The following MBNL2 variants were observed in gnomAD, a reference collection of about 807,000 sequenced individuals.
The protein encoded by MBNL2 is muscleblind like splicing regulator 2.
A neutral mutation model predicts 41.9 loss-of-function variants in MBNL2; 17 were observed. The observed-to-expected ratio is 0.41, with a 90% confidence interval of 0.28 to 0.61. The LOEUF is 0.61. Ranked by LOEUF, MBNL2 falls within the 20% of genes least tolerant of loss-of-function variation. The pLI is 0.35. For synonymous variants in MBNL2, 195 were observed against 182.9 expected (o/e 1.07, Z -0.53); for missense variants, 336 against 505.6 (o/e 0.66, Z 3.22).
intron 1 of MBNL2, among the ~76,000 whole-genome samples, chr13:97,226,485 C>T (rs1243710399): frequency 6.6e-6 from 1 of 152,150 alleles, no homozygotes; most frequent in Non-Finnish European, 1.5e-5. Flanking sequence ...TAATACCTGC[C>T]TTTGTGTGTG....
intron 1 of MBNL2, among the ~76,000 whole-genome samples, chr13:97,257,991 T>C (rs2047882888): frequency 6.6e-6 from 1 of 152,166 alleles, no homozygotes; most frequent in Admixed American, 6.5e-5. Context: ...TTAGAAATGA[T>C]GACAACTGGT....
At position 97,356,823 on chromosome 13, in the gene MBNL2, C is replaced by T; in HGVS notation, c.832C>T (p.Arg278Ter). The T allele has an allele frequency of 1.5e-6, 2 of 1,362,984 alleles. No individual in the cohort carries two copies. The highest frequency in any genetic ancestry group is 2.0e-6 in the Non-Finnish European group (2 of 1,018,086). The allele number at this position is 1,362,984 out of a possible 1,614,324, so 84.4% of individuals were successfully genotyped here. ...MTQSTAKAMK[R>*]PLEATVDLAF... Reference sequence around the variant, plus strand: ...TCAGTCGACTGCCAAAGCAATGAAGCGACCTCTCGAAGCAACTGTAGACCT... The same window carrying T: ...TCAGTCGACTGCCAAAGCAATGAAGTGACCTCTCGAAGCAACTGTAGACCT... Residue 278 changes from arginine to a stop codon, truncating the protein, a stop_gained, in exon 6 of 9, where the codon CGA becomes TGA. Coordinates refer to ENST00000679496, the MANE Select transcript of MBNL2 (RefSeq NM_001382683.1). LOFTEE classifies it high-confidence loss of function.
Position 97,261,138 on chromosome 13 carries a change from C to T in MBNL2, c.-604-14494C>T, listed in dbSNP as rs554403696. 7.2e-5 allele frequency among the ~76,000 whole-genome samples: 11 copies of T among 151,986 alleles called. No homozygotes were observed. The South Asian group carries it at 2.1e-3, about 29-fold the overall frequency. On this transcript the variant is annotated intron_variant, in intron 1 of 8. Transcript: ENST00000679496. The stretch of plus-strand genomic sequence containing the variant: ...GCACCTTCTCTGCAGCTATTCATTC[C>T]GATAGAAAGGAAGCCCCCGGCTCTT...
chr13:97,307,578 G>T (rs934464455), intron 2 of MBNL2, among the ~76,000 whole-genome samples: 1 of 152,034 alleles, frequency 6.6e-6, no homozygotes, highest in Non-Finnish European at 1.5e-5. Context: ...AAAATATTTA[G>T]TCCACAACAG....
At chr13:97,380,222 A>C (rs2065310783) in intron 8 of MBNL2, among the ~76,000 whole-genome samples, 1 of 152,092 alleles carries the variant, frequency 6.6e-6, no homozygotes, top group African/African-American at 2.4e-5. Context: ...AGCTGGGCGC[A>C]GTGGCTCATG....
the MBNL2 span, among the ~76,000 whole-genome samples, chr13:97,150,401 A>G: frequency 2.6e-5 from 4 of 152,236 alleles, no homozygotes; most frequent in African/African-American, 4.8e-5. Context: ...CCTACAGGTC[A>G]TGGGTCAAAG....
At chr13:97,372,824 G>C (rs970934057) in intron 8 of MBNL2, among the ~76,000 whole-genome samples, 1 of 152,166 alleles carries the variant, frequency 6.6e-6, no homozygotes, top group African/African-American at 2.4e-5. Context: ...AAGAAGTCTA[G>C]AAAGGTAAGA....
chr13:97,338,350 C>T (rs2061069787), intron 3 of MBNL2, among the ~76,000 whole-genome samples: 2 of 152,196 alleles, frequency 1.3e-5, no homozygotes, highest in African/African-American at 2.4e-5. Flanking sequence ...GCATTCTCTA[C>T]CAGCGAGCCC....
At chr13:97,168,636 G>A in the MBNL2 span, among the ~76,000 whole-genome samples, 21 of 152,176 alleles carry the variant, frequency 1.4e-4, no homozygotes, top group Admixed American at 3.3e-4. Flanking sequence ...AATAGTGCCC[G>A]GCACGCAATA....
chr13:97,334,358 A>G lies in MBNL2; in HGVS notation c.257A>G (p.Asn86Ser), dbSNP rs759267280. Residue 86 changes from asparagine to serine, a missense_variant, in exon 3 of 9, where the codon AAT (asparagine) becomes AGT (serine). Coordinates refer to ENST00000679496, the MANE Select transcript of MBNL2 (RefSeq NM_001382683.1). This position sits in a 1 kb window ranked among gnomAD's most constrained non-coding sequence, Gnocchi z 5.3. ...KTQLEINGRN[N>S]LIQQKTAAAM... ...CAACTAGAAATTAATGGAAGGAACA[A>G]TTTGATTCAGCAAAAAACTGCAGCA... is the stretch of plus-strand genomic sequence containing the variant. 1 of 1,613,856 alleles carries G rather than the reference A, an allele frequency of 6.2e-7. No individual in the cohort carries two copies. Among genetic ancestry groups the G allele is most frequent in the East Asian group, 2.2e-5 (1 of 44,864 alleles).
At chr13:97,321,388 A>C (rs2059489364) in intron 2 of MBNL2, among the ~76,000 whole-genome samples, 1 of 152,136 alleles carries the variant, frequency 6.6e-6, no homozygotes, top group African/African-American at 2.4e-5. Context: ...CAGGGAAAAC[A>C]CTTGACATTT....
chr13:97,356,878 C>T, intron 6 of MBNL2, 29 bp downstream of exon 6: 1 of 1,329,456 alleles, frequency 7.5e-7, no homozygotes, highest in Non-Finnish European at 1.0e-6. Context: ...TTTCGCTTTG[C>T]ATGTAGCTTT....
chr13:97,287,918 G>GTT lies in MBNL2; in HGVS notation c.174+11518_174+11519dup, dbSNP rs11423615. On this transcript the variant is annotated intron_variant, in intron 2 of 8. Transcript: ENST00000679496. ...TGCCACCAGGCCCGGCTAATTTTCT[G>GTT]TTTTTTTTTTGTTTTGTTTTGTTTT... Among the ~76,000 whole-genome samples the GTT allele has an allele frequency of 3.7e-3, 455 of 124,606 alleles. 11 individuals carry two copies. Among genetic ancestry groups the GTT allele is most frequent in the African/African-American group, 0.011 (317 of 28,782 alleles). The allele number at this position is 124,606 out of a possible 152,430, so 81.7% of individuals were successfully genotyped here. A position where few individuals can be genotyped will look rare whatever the true frequency, so the allele number is the denominator to read the frequency against.
intron 5 of MBNL2, among the ~76,000 whole-genome samples, chr13:97,350,405 C>A (rs2062336613): frequency 6.6e-6 from 1 of 152,100 alleles, no homozygotes; most frequent in East Asian, 1.9e-4. Context: ...CTTAAAAATA[C>A]AATTTCTTAA....
chr13:97,150,032 C>T, the MBNL2 span, among the ~76,000 whole-genome samples: 1 of 152,232 alleles, frequency 6.6e-6, no homozygotes, highest in Non-Finnish European at 1.5e-5. Context: ...TGCATGGCTG[C>T]CTGCAGCAAC....
chr13:97,181,688 T>C, the MBNL2 span, among the ~76,000 whole-genome samples: 1 of 152,328 alleles, frequency 6.6e-6, no homozygotes, highest in East Asian at 1.9e-4. Flanking sequence ...TAATATATGA[T>C]ATATCAACCT....
At chr13:97,218,697 G>C (rs1031468398), upstream of MBNL2, among the ~76,000 whole-genome samples, 8 of 151,756 alleles carry the variant, frequency 5.3e-5, no homozygotes, top group African/African-American at 1.9e-4. Flanking sequence ...TCTATCCAGA[G>C]TTTCCAGGAA....
intron 1 of MBNL2, among the ~76,000 whole-genome samples, chr13:97,232,168 C>T (rs571370654): frequency 6.6e-6 from 1 of 152,324 alleles, no homozygotes; most frequent in East Asian, 1.9e-4. Flanking sequence ...TGTTGAGTCT[C>T]ATACCTTGTT....
In MBNL2 at chr13:97,392,965, T is replaced by C. The variant is rs2066419648; in HGVS notation, c.*1516T>C. On this transcript the variant is annotated 3_prime_UTR_variant, in exon 9 of 9. Coordinates refer to ENST00000679496, the MANE Select transcript of MBNL2 (RefSeq NM_001382683.1). Reference sequence around the variant, plus strand: ...CTGAAAACTAGATGCACCAACCGTATCATTATTTGTTTGAGGAAAAAAAGA... The same window carrying C: ...CTGAAAACTAGATGCACCAACCGTACCATTATTTGTTTGAGGAAAAAAAGA... 6.6e-6 allele frequency: 1 copy of C among 152,494 alleles called. No individual in the cohort carries two copies. Among genetic ancestry groups the C allele is most frequent in the African/African-American group, 2.4e-5 (1 of 41,456 alleles). The allele number at this position is 152,494 out of a possible 1,614,324, so 9.4% of individuals were successfully genotyped here. A position where few individuals can be genotyped will look rare whatever the true frequency, so the allele number is the denominator to read the frequency against.
Sources: allele counts gnomAD v4.1 joint callset (sites outside exome capture counted in the v4.1 genomes callset), GRCh38; gene constraint gnomAD v4.1.1; non-coding constraint Gnocchi (gnomAD v3.1); transcripts MANE v1.5; gene names NCBI Gene and HGNC (gene_info 2026-07-23, HGNC 2026-07-21).